Variants in FBXW7 observed in about 807,000 individuals in gnomAD.
The protein encoded by FBXW7 is F-box/WD repeat-containing protein 7.
A neutral mutation model predicts 86.3 loss-of-function variants in FBXW7; 11 were observed. The ratio of observed to expected loss-of-function variants is 0.13; its 90% confidence interval spans 0.08 to 0.21. The LOEUF (loss-of-function observed/expected upper bound fraction) is 0.21, where lower values mean the gene tolerates loss of function less well. Among genes scored for constraint, FBXW7 ranks in the 10% least tolerant of loss-of-function variants. The probability of loss-of-function intolerance (pLI) is 1.00; values close to 1 mark genes in which losing one functional copy is unlikely to be tolerated. For synonymous variants in FBXW7, 313 were observed against 297.9 expected (o/e 1.05, Z -0.52); for missense variants, 488 against 847.4 (o/e 0.58, Z 5.27).
intron 6 of FBXW7, among the ~76,000 whole-genome samples, chr4:152,346,294 C>G (rs2126630657): frequency 6.6e-6 from 1 of 152,216 alleles, no homozygotes; most frequent in Non-Finnish European, 1.5e-5. Context: ...TGTATTAACT[C>G]TAGCTAGAAT....
chr4:152,497,387 T>C (rs539287037), intron 2 of FBXW7, among the ~76,000 whole-genome samples: 9 of 140,946 alleles, frequency 6.4e-5, no homozygotes, highest in East Asian at 6.4e-4. Flanking sequence ...TATGAGATAC[T>C]TGCAATGCAT....
At chr4:152,403,990 T>C (rs1320929209) in intron 4 of FBXW7, among the ~76,000 whole-genome samples, 2 of 152,246 alleles carry the variant, frequency 1.3e-5, no homozygotes, top group East Asian at 1.9e-4. Flanking sequence ...GATACTACTA[T>C]GCTATTACTC....
At chr4:152,511,897 T>G (rs1490971337) in intron 2 of FBXW7, among the ~76,000 whole-genome samples, 10 of 152,138 alleles carry the variant, frequency 6.6e-5, no homozygotes, top group Admixed American at 5.2e-4. Flanking sequence ...TATTTCATTT[T>G]TACCATTTCA....
chr4:152,418,515 C>A (rs1333699951), intron 2 of FBXW7, among the ~76,000 whole-genome samples: 3 of 152,104 alleles, frequency 2.0e-5, no homozygotes, highest in African/African-American at 7.2e-5. Context: ...AGAAAAAAAA[C>A]TGAACAGATT....
Position 152,411,699 on chromosome 4 carries a change from A to G in FBXW7, c.105T>C (p.Arg35=). The G allele has an allele frequency of 6.2e-7, 1 of 1,613,642 alleles. No homozygotes were observed. Among genetic ancestry groups the G allele is most frequent in the Non-Finnish European group, 8.5e-7 (1 of 1,179,830 alleles). The change falls in exon 4 of 14, where the codon CGT becomes CGC. Residue 35 remains arginine (R), a synonymous_variant. Transcript: ENST00000281708. ...SSQVDEEQMN[R]VVEEEQQQQL... ...GCTGTTGCTGTTCCTCCTCTACCAC[A>G]CGATTCATCTGTTCTTCATCTACCT...
intron 2 of FBXW7, among the ~76,000 whole-genome samples, chr4:152,510,529 G>A (rs1251704676): frequency 6.6e-6 from 1 of 152,150 alleles, no homozygotes; most frequent in Non-Finnish European, 1.5e-5. Context: ...AGGGAGGAGA[G>A]AAAGAGGAGG....
At chr4:152,354,256 T>C (rs1732143519) in intron 4 of FBXW7, among the ~76,000 whole-genome samples, 1 of 152,054 alleles carries the variant, frequency 6.6e-6, no homozygotes, top group South Asian at 2.1e-4. Context: ...GGCTCTTAAA[T>C]TAATTCTTAC....
At chr4:152,534,420 A>G (rs1750299010) in intron 2 of FBXW7, among the ~76,000 whole-genome samples, 1 of 152,228 alleles carries the variant, frequency 6.6e-6, no homozygotes, top group African/African-American at 2.4e-5. Context: ...AATTGGACCC[A>G]GTAACTGAGA....
chr4:152,475,444 A>C (rs1400384477), intron 2 of FBXW7, among the ~76,000 whole-genome samples: 1 of 152,096 alleles, frequency 6.6e-6, no homozygotes, highest in Non-Finnish European at 1.5e-5. Flanking sequence ...AACACTAATA[A>C]TAAAAGAGTA....
chr4:152,394,696 A>G (rs1390281665), intron 4 of FBXW7, among the ~76,000 whole-genome samples: 1 of 152,092 alleles, frequency 6.6e-6, no homozygotes, highest in African/African-American at 2.4e-5. Context: ...ATAATATACC[A>G]TAGCAAATGC....
At position 152,532,431 on chromosome 4, in the gene FBXW7, C is replaced by G. The variant is rs570908115; in HGVS notation, c.-120+2510G>C. ...TGAAATTACTCTCAGGAACACTCTT[C>G]TCAGTTGCTTCTTTGAACTGTAATC... is the stretch of plus-strand genomic sequence containing the variant. On this transcript the variant is annotated intron_variant, in intron 2 of 13. Coordinates refer to ENST00000281708, the MANE Select transcript of FBXW7 (RefSeq NM_001349798.2). Among the ~76,000 whole-genome samples the G allele has an allele frequency of 5.3e-4, 81 of 152,362 alleles. 1 individual carries two copies. In the South Asian group the frequency reaches 0.016, roughly 31 times the overall value.
At chr4:152,451,951 T>C (rs1259571218) in intron 2 of FBXW7, among the ~76,000 whole-genome samples, 2 of 152,132 alleles carry the variant, frequency 1.3e-5, no homozygotes, top group African/African-American at 4.8e-5. Context: ...GACACTTACA[T>C]GGAGTTTCTA....
intron 2 of FBXW7, among the ~76,000 whole-genome samples, chr4:152,448,081 G>C (rs560859945): frequency 1.3e-5 from 2 of 152,252 alleles, no homozygotes; most frequent in African/African-American, 4.8e-5. Context: ...TTGAAACGAA[G>C]AAAACAAGAA....
chr4:152,488,989 A>G (rs1745598725), intron 2 of FBXW7, among the ~76,000 whole-genome samples: 1 of 152,106 alleles, frequency 6.6e-6, no homozygotes, highest in African/African-American at 2.4e-5. Flanking sequence ...ACTACTAAAT[A>G]TAATAGTATA....
intron 2 of FBXW7, among the ~76,000 whole-genome samples, chr4:152,521,297 G>C (rs1175031757): frequency 6.6e-6 from 1 of 152,104 alleles, no homozygotes; most frequent in Non-Finnish European, 1.5e-5. Context: ...CACTTCCTAG[G>C]AGATCAATAT....
rs528811875 is a variant in FBXW7, at chr4:152,376,738, G to A, written c.502-26614C>T. On this transcript the variant is annotated intron_variant, in intron 4 of 13. Coordinates refer to ENST00000281708, the MANE Select transcript of FBXW7 (RefSeq NM_001349798.2). ...TGTCAAAAGTACTAATTGATTAACT[G>A]ATGAGAATGGTACTGCATTGTCTTT... Among the ~76,000 whole-genome samples, 5 of 152,036 alleles carry A rather than the reference G, an allele frequency of 3.3e-5. No homozygotes were observed. In the South Asian group the frequency reaches 8.3e-4, roughly 25 times the overall value.
At chr4:152,374,271 T>C (rs1560820711) in intron 4 of FBXW7, among the ~76,000 whole-genome samples, 3 of 152,012 alleles carry the variant, frequency 2.0e-5, no homozygotes, top group Non-Finnish European at 2.9e-5. Context: ...GTATTTTTTT[T>C]CTCTATTTCA....
intron 5 of FBXW7, among the ~76,000 whole-genome samples, chr4:152,349,449 A>T (rs1731590507): frequency 6.6e-6 from 1 of 151,962 alleles, no homozygotes; most frequent in South Asian, 2.1e-4. Context: ...TGAGAGTGGG[A>T]AAAGTTTTAT....
chr4:152,402,467 G>A (rs903576135), intron 4 of FBXW7, among the ~76,000 whole-genome samples: 5 of 152,178 alleles, frequency 3.3e-5, no homozygotes, highest in African/African-American at 4.8e-5. Flanking sequence ...ATGTTAGGGC[G>A]GTAGCTTTAT....
Sources: gnomAD v4.1 joint callset for allele counts (sites outside exome capture counted in the v4.1 genomes callset) on GRCh38, gnomAD v4.1.1 for gene constraint, MANE v1.5 for transcripts, NCBI Gene and HGNC (gene_info 2026-07-23, HGNC 2026-07-21) for gene names.